Variants in GFPT1 observed in about 807,000 individuals in gnomAD.
GFPT1 encodes glutamine--fructose-6-phosphate aminotransferase [isomerizing] 1.
A neutral mutation model predicts 92.0 loss-of-function variants in GFPT1; 40 were observed. The ratio of observed to expected loss-of-function variants is 0.43; its 90% CI spans 0.34 to 0.57. The LOEUF (loss-of-function observed/expected upper bound fraction) is 0.57. GFPT1 is among the 20% of genes least tolerant of loss of function. GFPT1 has a pLI of 0.02. For synonymous variants in GFPT1, 269 were observed against 280.6 expected (o/e 0.96, Z 0.41); for missense variants, 448 against 869.1 (o/e 0.52, Z 6.09).
intron 13 of GFPT1, among the ~76,000 whole-genome samples, chr2:69,340,036 A>G (rs1303522308): frequency 6.6e-6 from 1 of 152,256 alleles, no homozygotes; most frequent in East Asian, 1.9e-4. Context: ...AGAGAAAGAT[A>G]GAAATCTGGA....
At chr2:69,332,764 T>C (rs1670694457) in intron 15 of GFPT1, among the ~76,000 whole-genome samples, 1 of 152,154 alleles carries the variant, frequency 6.6e-6, no homozygotes, top group Non-Finnish European at 1.5e-5. Context: ...ATTTTAGCTT[T>C]AGGAAATTTA....
chr2:69,322,217 A>T lies in GFPT1; in HGVS notation c.*3972T>A, dbSNP rs1488913113. 1 of 152,232 alleles carries T rather than the reference A, an allele frequency of 6.6e-6. No homozygotes were observed. The highest frequency in any genetic ancestry group is 1.5e-5 in the Non-Finnish European group (1 of 68,028). The allele number at this position is 152,232 out of a possible 1,614,324, so 9.4% of individuals were successfully genotyped here. ...ATTTACTAAATATGTGAATATCATA[A>T]AATGAAAATATCACTCCCTTCAATT... is the stretch of plus-strand genomic sequence containing the variant. On this transcript the variant is annotated 3_prime_UTR_variant, in exon 20 of 20. Coordinates refer to ENST00000357308, the MANE Select transcript of GFPT1 (RefSeq NM_001244710.2).
Position 69,347,210 on chromosome 2 carries a change from C to CT in GFPT1, c.1009+960dup, listed in dbSNP as rs747188474. ...ACAGGTGTGAGCCAGTGCACCTGGA[C>CT]TTTTTTTTTTTTTAGTTTGTAGTAG... On this transcript the variant is annotated intron_variant, in intron 11 of 19. Coordinates refer to ENST00000357308, the MANE Select transcript of GFPT1 (RefSeq NM_001244710.2). 4.2e-3 allele frequency among the ~76,000 whole-genome samples: 604 copies of CT among 142,828 alleles called. 2 individuals are homozygous for CT. Among genetic ancestry groups the CT allele is most frequent in the African/African-American group, 0.013 (512 of 39,264 alleles). The allele number at this position is 142,828 out of a possible 152,430, so 93.7% of individuals were successfully genotyped here.
chr2:69,352,126 G>A (rs993728271), intron 9 of GFPT1, among the ~76,000 whole-genome samples: 4 of 151,918 alleles, frequency 2.6e-5, no homozygotes, highest in African/African-American at 9.7e-5. Context: ...AGCTGAGAGT[G>A]GTAGAGTACA....
intron 5 of GFPT1, 64 bp downstream of exon 5, chr2:69,359,204 G>T: frequency 2.3e-6 from 2 of 854,810 alleles, no homozygotes; most frequent in South Asian, 1.3e-5. Context: ...CCCAACAACC[G>T]ACCCCAGTGC....
At chr2:69,336,956 A>G (rs1485050411) in intron 15 of GFPT1, among the ~76,000 whole-genome samples, 1 of 152,148 alleles carries the variant, frequency 6.6e-6, no homozygotes, top group East Asian at 1.9e-4. Context: ...CAGGCCTTCA[A>G]AACACAAGAC....
intron 1 of GFPT1, among the ~76,000 whole-genome samples, chr2:69,380,955 T>C (rs546976445): frequency 3.9e-5 from 6 of 152,228 alleles, no homozygotes; most frequent in Non-Finnish European, 8.8e-5. Context: ...TTTTTCATTT[T>C]TGGTAGATTC....
At chr2:69,341,203 T>G (rs557658683) in intron 13 of GFPT1, among the ~76,000 whole-genome samples, 1 of 152,106 alleles carries the variant, frequency 6.6e-6, no homozygotes, top group South Asian at 2.1e-4. Flanking sequence ...TCCTCCCACT[T>G]TGCCCTCCCA....
At chr2:69,368,110 G>A (rs757641542) in intron 3 of GFPT1, among the ~76,000 whole-genome samples, 2 of 152,026 alleles carry the variant, frequency 1.3e-5, no homozygotes, top group African/African-American at 4.8e-5. Flanking sequence ...TTAGCAAGGT[G>A]TGGTGGCTCA....
intron 6 of GFPT1, 63 bp downstream of exon 6, chr2:69,358,266 A>C: frequency 7.0e-7 from 1 of 1,422,228 alleles, no homozygotes; most frequent in Non-Finnish European, 9.9e-7. Context: ...ATCAAACTTA[A>C]TTTCCAGAAA....
rs956338400 is a variant in GFPT1 at position 69,387,218 on chromosome 2, G to T, written c.-147C>A. The stretch of plus-strand genomic sequence containing the variant: ...TCGGGGATGCGACGGCCAAGGCAAC[G>T]ACAGCCTTCTCCGCCTCCCGGGCTC... On this transcript the variant is annotated 5_prime_UTR_variant, in exon 1 of 20. Transcript: ENST00000357308. The T allele has an allele frequency of 4.7e-6, 4 of 849,540 alleles. No individual in the cohort carries two copies. The highest frequency in any genetic ancestry group is 4.0e-5 in the South Asian group (2 of 50,466). 52.6% of individuals were successfully genotyped at this position (849,540 alleles called of 1,614,324 possible).
rs146474673 is a variant in GFPT1, at chr2:69,341,051, T to A, written c.1203+1101A>T. Among the ~76,000 whole-genome samples, 882 of 151,982 alleles carry A rather than the reference T, an allele frequency of 5.8e-3. 10 individuals carry two copies. The highest frequency in any genetic ancestry group is 0.019 in the African/African-American group (785 of 41,412). ...CTAGGCTCACTGCAGCCTCACCTTC[T>A]GGACTCAAGCGATCCTCCTGCCTCA... On this transcript the variant is annotated intron_variant, in intron 13 of 19. Transcript: ENST00000357308.
intron 15 of GFPT1, among the ~76,000 whole-genome samples, chr2:69,333,495 T>C (rs578091773): frequency 6.6e-6 from 1 of 152,336 alleles, no homozygotes; most frequent in African/African-American, 2.4e-5. Flanking sequence ...AAATAAGCTA[T>C]ACCCTACATT....
intron 6 of GFPT1, 43 bp from the exon 7 acceptor site, chr2:69,356,600 T>C (rs376226398): frequency 1.3e-4 from 190 of 1,428,006 alleles, no homozygotes; most frequent in Non-Finnish European, 1.8e-4. Context: ...TAATCAATTA[T>C]CAAGTCAGAA....
chr2:69,358,440 T>C lies in GFPT1; in HGVS notation c.432A>G (p.Glu144=), dbSNP rs1413236120. ...CAATTGTCTCTGTGTCTGTTTCAGA[T>C]TCGAAGTCATAGCCTTTGCTTTCCT... ...KFLESKGYDF[E]SETDTETIAK... is the part of the protein sequence containing the mutation. Residue 144 remains glutamate, a synonymous_variant, in exon 6 of 20, where the codon GAA becomes GAG. Transcript: ENST00000357308. The C allele has an allele frequency of 6.2e-7, 1 of 1,608,724 alleles. No individual in the cohort carries two copies. The highest frequency in any genetic ancestry group is 8.5e-7 in the Non-Finnish European group (1 of 1,175,320).
intron 3 of GFPT1, among the ~76,000 whole-genome samples, chr2:69,364,909 C>T (rs575800359): frequency 6.2e-4 from 88 of 141,748 alleles, no homozygotes; most frequent in Non-Finnish European, 1.1e-3. Context: ...GCAGGAGAAT[C>T]GCTTGAACCC....
chr2:69,356,647 T>C, intron 6 of GFPT1, 90 bp from the exon 7 acceptor site: 2 of 904,410 alleles, frequency 2.2e-6, no homozygotes, highest in Non-Finnish European at 3.7e-6. Flanking sequence ...CAGAAATTTT[T>C]TGTTCACACA....
chr2:69,346,078 A>C (rs1328079633), intron 11 of GFPT1, 79 bp from the exon 12 acceptor site: 1 of 825,344 alleles, frequency 1.2e-6, no homozygotes, highest in Non-Finnish European at 2.1e-6. Flanking sequence ...AGTTTCCTTT[A>C]ATATAATCTT....
intron 15 of GFPT1, among the ~76,000 whole-genome samples, chr2:69,331,569 G>A (rs997670553): frequency 5.3e-5 from 8 of 152,184 alleles, no homozygotes; most frequent in Admixed American, 4.6e-4. Flanking sequence ...CATTTTTGGT[G>A]TGATGTAACA....
Sources: gnomAD v4.1 joint callset for allele counts (sites outside exome capture counted in the v4.1 genomes callset) on GRCh38, gnomAD v4.1.1 for gene constraint, MANE v1.5 for transcripts, NCBI Gene and HGNC (gene_info 2026-07-23, HGNC 2026-07-21) for gene names.